The following TSNARE1 variants were observed in gnomAD, a reference collection of about 807,000 sequenced individuals.
The protein encoded by TSNARE1 is t-SNARE domain-containing protein 1.
Under a neutral mutation model 62.0 loss-of-function variants are expected in TSNARE1, and 49 were observed. That is an observed-to-expected ratio of 0.79 (90% confidence interval 0.63 to 1.00). The LOEUF (loss-of-function observed/expected upper bound fraction) is 1.00, where lower values mean the gene tolerates loss of function less well. Ranked by LOEUF, TSNARE1 falls within the 50% of genes least tolerant of loss-of-function variation. TSNARE1 has a pLI of 0.00. For synonymous variants in TSNARE1, 328 were observed against 294.4 expected (o/e 1.11, Z -1.17); for missense variants, 755 against 700.1 (o/e 1.08, Z -0.88).
intron 2 of TSNARE1, among the ~76,000 whole-genome samples, chr8:142,347,148 G>A (rs888543486): frequency 3.9e-5 from 6 of 152,252 alleles, no homozygotes; most frequent in Admixed American, 6.5e-5. Flanking sequence ...GCAGAAGGAC[G>A]GGAGGGCAGC....
At chr8:142,335,231 C>T (rs933877781) in intron 4 of TSNARE1, among the ~76,000 whole-genome samples, 1 of 152,056 alleles carries the variant, frequency 6.6e-6, no homozygotes, top group African/African-American at 2.4e-5. Flanking sequence ...TTATAAATGA[C>T]ATGTGATCCT....
Position 142,267,292 on chromosome 8 carries a change from C to A in TSNARE1, c.1446+7489G>T, listed in dbSNP as rs375606406. ...TGACTAGGGGATCTTTTCTCCAGAA[C>A]CTTCTTCTTGGATCCAGGATCCACA... On this transcript the variant is annotated intron_variant, in intron 12 of 13. Coordinates refer to ENST00000524325, the MANE Select transcript of TSNARE1 (RefSeq NM_145003.5). 9.8e-5 allele frequency among the ~76,000 whole-genome samples: 15 copies of A among 152,300 alleles called. No individual in the cohort carries two copies. The East Asian group carries it at 1.4e-3, about 14-fold the overall frequency.
chr8:142,229,624 C>T, intron 12 of TSNARE1, 45 bp from the exon 13 acceptor site: 1 of 1,579,464 alleles, frequency 6.3e-7, no homozygotes, highest in Admixed American at 1.7e-5. Flanking sequence ...GTCCTCCAAC[C>T]TCCCATCCTC....
chr8:142,279,104 C>G (rs1232189560), intron 11 of TSNARE1, among the ~76,000 whole-genome samples: 3 of 152,134 alleles, frequency 2.0e-5, no homozygotes, highest in African/African-American at 7.3e-5. Context: ...AGCCCTCCTT[C>G]TTCCCAGACA....
intron 13 of TSNARE1, among the ~76,000 whole-genome samples, chr8:142,228,514 C>T (rs549032876): frequency 4.9e-4 from 75 of 152,220 alleles, no homozygotes; most frequent in Non-Finnish European, 6.6e-4. Context: ...CTCTCCTCTC[C>T]GGTCCGAATG....
intron 7 of TSNARE1, among the ~76,000 whole-genome samples, chr8:142,317,905 C>T (rs1324142735): frequency 6.6e-6 from 1 of 152,146 alleles, no homozygotes; most frequent in African/African-American, 2.4e-5. Flanking sequence ...CTGCAGTGAG[C>T]CAAGATCATG....
intron 11 of TSNARE1, among the ~76,000 whole-genome samples, chr8:142,282,632 C>A (rs1358415962): frequency 7.7e-6 from 1 of 129,084 alleles, no homozygotes; most frequent in Non-Finnish European, 1.7e-5. Flanking sequence ...TGTCAATGAG[C>A]AGAGGCGGGG....
intron 11 of TSNARE1, among the ~76,000 whole-genome samples, chr8:142,283,149 A>G (rs1821953318): frequency 6.7e-6 from 1 of 150,108 alleles, no homozygotes. Context: ...GTGTCTGTCA[A>G]TGAGCAGAGG....
intron 3 of TSNARE1, 53 bp from the exon 4 acceptor site, chr8:142,344,525 C>T (rs1408385250): frequency 2.8e-6 from 4 of 1,426,616 alleles, no homozygotes; most frequent in South Asian, 1.5e-5. Context: ...GTGGAGGCAG[C>T]GGCCCCGGCG....
chr8:142,280,980 AG>A (rs1362705812), intron 11 of TSNARE1, among the ~76,000 whole-genome samples: 1 of 152,212 alleles, frequency 6.6e-6, no homozygotes. Context: ...AGGGAGCAGC[AG>A]GGTGCTTGAG....
chr8:142,278,841 A>G, intron 11 of TSNARE1: 2 of 972,128 alleles, frequency 2.1e-6, no homozygotes, highest in Non-Finnish European at 2.4e-6. Flanking sequence ...GGGGGAGGCC[A>G]CTGCAGGCCA....
At chr8:142,380,613 T>G (rs1257278675) in intron 1 of TSNARE1, among the ~76,000 whole-genome samples, 1 of 134,050 alleles carries the variant, frequency 7.5e-6, no homozygotes, top group South Asian at 2.5e-4. Flanking sequence ...GCAGAGCCCC[T>G]CCCTCTGTCC....
chr8:142,274,312 T>C (rs1459402867), intron 12 of TSNARE1: 1 of 985,314 alleles, frequency 1.0e-6, no homozygotes, highest in Non-Finnish European at 1.2e-6. Context: ...AGTGAGTGGC[T>C]AGTCCTCAAG....
At chr8:142,249,335 C>T (rs1440660573) in intron 12 of TSNARE1, among the ~76,000 whole-genome samples, 4 of 152,142 alleles carry the variant, frequency 2.6e-5, no homozygotes, top group Admixed American at 6.5e-5. Context: ...CGGCAAGGAA[C>T]AGGAAGGGCC....
At chr8:142,241,483 T>A (rs1817665202) in intron 12 of TSNARE1, among the ~76,000 whole-genome samples, 1 of 152,154 alleles carries the variant, frequency 6.6e-6, no homozygotes, top group African/African-American at 2.4e-5. Context: ...ATTCCAACAT[T>A]TTTTCACAGA....
intron 10 of TSNARE1, among the ~76,000 whole-genome samples, chr8:142,297,649 C>T (rs556645263): frequency 6.6e-6 from 1 of 152,340 alleles, no homozygotes; most frequent in East Asian, 1.9e-4. Context: ...ACCCCCCGAG[C>T]CCTGCGCAGG....
At chr8:142,313,856 C>G (rs1828070983) in intron 9 of TSNARE1, among the ~76,000 whole-genome samples, 1 of 152,220 alleles carries the variant, frequency 6.6e-6, no homozygotes, top group African/African-American at 2.4e-5. Context: ...TCACTGGAAC[C>G]TCGGCCCTGC....
At chr8:142,363,539 C>G (rs536496610) in intron 1 of TSNARE1, among the ~76,000 whole-genome samples, 15 of 152,290 alleles carry the variant, frequency 9.8e-5, no homozygotes, top group African/African-American at 3.6e-4. Flanking sequence ...TCAAGGTGGC[C>G]TCTTGGTCCA....
At chr8:142,271,335 G>C (rs544766036) in intron 12 of TSNARE1, 20 of 1,169,016 alleles carry the variant, frequency 1.7e-5, no homozygotes, top group Non-Finnish European at 2.1e-5. Flanking sequence ...TGCAGCAGCA[G>C]GTTTTGCTGG....
Sources: allele counts gnomAD v4.1 joint callset (sites outside exome capture counted in the v4.1 genomes callset), GRCh38; gene constraint gnomAD v4.1.1; transcripts MANE v1.5; gene names NCBI Gene and HGNC (gene_info 2026-07-23, HGNC 2026-07-21).